ERCC6L2: variants seen among roughly 807,000 people sequenced by gnomAD.
ERCC6L2 encodes ERCC excision repair 6 like 2, also known as DNA excision repair protein ERCC-6-like 2.
Under a neutral mutation model 132.0 loss-of-function variants are expected in ERCC6L2, and 77 were observed. That is an observed-to-expected ratio of 0.58 (90% CI 0.49 to 0.71). The LOEUF is 0.71. Ranked by LOEUF, ERCC6L2 falls within the 30% of genes least tolerant of loss-of-function variation. ERCC6L2 has a pLI of 0.00. For synonymous variants in ERCC6L2, 583 were observed against 632.4 expected, an observed-to-expected ratio of 0.92 and a Z score of 1.17; for missense variants, 1,542 against 1,837.6, an observed-to-expected ratio of 0.84 and a Z score of 2.94.
intron 19 of ERCC6L2, among the ~76,000 whole-genome samples, chr9:96,024,957 C>A (rs1269465085): frequency 6.6e-6 from 1 of 152,186 alleles, no homozygotes; most frequent in Non-Finnish European, 1.5e-5. Flanking sequence ...ACTGTATTCA[C>A]TCAGTAACCA....
chr9:96,028,470 ACT>A (rs1834411616), intron 19 of ERCC6L2, among the ~76,000 whole-genome samples: 1 of 152,072 alleles, frequency 6.6e-6, no homozygotes, highest in Non-Finnish European at 1.5e-5. Flanking sequence ...TCCATGGCAC[ACT>A]CTAAAATTCC....
intron 13 of ERCC6L2, among the ~76,000 whole-genome samples, chr9:95,958,794 A>T (rs1234213072): frequency 6.6e-6 from 1 of 152,188 alleles, no homozygotes; most frequent in African/African-American, 2.4e-5. Flanking sequence ...CAAAGAGAAT[A>T]AAATACCTAG....
In ERCC6L2 at chr9:95,875,977, G is replaced by A. The variant is rs1421881952; in HGVS notation, c.-62G>A. On this transcript the variant is annotated 5_prime_UTR_variant, in exon 1 of 19. Coordinates refer to ENST00000653738, the MANE Select transcript of ERCC6L2 (RefSeq NM_020207.7). Reference sequence around the variant, plus strand: ...CATTGGCCTGCCGGCCAGCCACCTTGCTGTCCTCCGCCGCCTTCCGGGTGT... The same window carrying A: ...CATTGGCCTGCCGGCCAGCCACCTTACTGTCCTCCGCCGCCTTCCGGGTGT... The A allele has an allele frequency of 2.6e-6, 4 of 1,540,730 alleles. No individual in the cohort carries two copies. Among genetic ancestry groups the A allele is most frequent in the African/African-American group, 1.4e-5 (1 of 73,002 alleles).
At chr9:96,036,543 T>G (rs1423920010) in intron 19 of ERCC6L2, among the ~76,000 whole-genome samples, 1 of 152,170 alleles carries the variant, frequency 6.6e-6, no homozygotes, top group Non-Finnish European at 1.5e-5. Context: ...AGAACTGGAA[T>G]TGCTGGATCA....
intron 17 of ERCC6L2, among the ~76,000 whole-genome samples, chr9:95,998,536 C>T (rs180929318): frequency 1.6e-4 from 24 of 152,258 alleles, no homozygotes; most frequent in East Asian, 5.8e-4. Flanking sequence ...AAAAGCAGAG[C>T]GCCTTTCCTG....
Position 96,013,563 on chromosome 9 carries a change from G to A in ERCC6L2, c.*360G>A, listed in dbSNP as rs977679158. The A allele has an allele frequency of 1.2e-5, 2 of 164,558 alleles. No homozygotes were observed. Among genetic ancestry groups the A allele is most frequent in the Admixed American group, 1.2e-4 (2 of 17,226 alleles). 10.2% of individuals were successfully genotyped at this position (164,558 alleles called of 1,614,324 possible). ...AAGATGAAGAGTCTGTACCGAATCA[G>A]CATGAGTGTCCTTCCAGTTTAAAAA... On this transcript the variant is annotated 3_prime_UTR_variant, in exon 19 of 19. Transcript: ENST00000653738.
chr9:96,030,778 G>A (rs1834447904), intron 19 of ERCC6L2, among the ~76,000 whole-genome samples: 1 of 151,564 alleles, frequency 6.6e-6, no homozygotes, highest in Non-Finnish European at 1.5e-5. Flanking sequence ...CCCACCGGAA[G>A]GAACAAACTC....
intron 11 of ERCC6L2, among the ~76,000 whole-genome samples, chr9:95,936,648 A>G (rs1039701235): frequency 6.6e-6 from 1 of 152,184 alleles, no homozygotes; most frequent in Admixed American, 6.5e-5. Context: ...AGTTCCCCCA[A>G]TGTAATATCT....
chr9:96,034,018 TC>T (rs1220671855), intron 19 of ERCC6L2, among the ~76,000 whole-genome samples: 6 of 152,234 alleles, frequency 3.9e-5, no homozygotes, highest in Non-Finnish European at 5.9e-5. Flanking sequence ...GGCTGCCAGC[TC>T]TGAGCCCCGC....
At chr9:96,010,073 T>G (rs1345969343) in intron 18 of ERCC6L2, among the ~76,000 whole-genome samples, 1 of 152,250 alleles carries the variant, frequency 6.6e-6, no homozygotes, top group Non-Finnish European at 1.5e-5. Flanking sequence ...AATATCTCAT[T>G]ACTTCATGTG....
Position 96,004,567 on chromosome 9 carries a change from A to C in ERCC6L2, c.3540A>C (p.Lys1180Asn). 1 of 1,310,218 alleles carries C rather than the reference A, an allele frequency of 7.6e-7. No homozygotes were observed. The highest frequency in any genetic ancestry group is 1.0e-6 in the Non-Finnish European group (1 of 991,218). 81.2% of individuals were successfully genotyped at this position (1,310,218 alleles called of 1,614,324 possible). The change falls in exon 18 of 19, where the codon AAA becomes AAC. Residue 1180 changes from lysine to asparagine, a missense_variant. Physicochemically the swap from Lys to Asn is moderately conservative, Grantham distance 94. This residue lies in a region of ERCC6L2 where 442 missense variants were observed against 583.4 expected (regional missense o/e 0.76). Transcript: ENST00000653738. ...VDADTLPHTK[K>N]GQQPSEGSIS... Reference sequence around the variant, plus strand: ...CAGATACATTGCCACACACAAAGAAAGGCCAGCAACCGAGTGAAGGCAGCA... The same window carrying C: ...CAGATACATTGCCACACACAAAGAACGGCCAGCAACCGAGTGAAGGCAGCA...
At chr9:95,985,401 A>G (rs1353674591) in intron 17 of ERCC6L2, among the ~76,000 whole-genome samples, 1 of 152,052 alleles carries the variant, frequency 6.6e-6, no homozygotes, top group African/African-American at 2.4e-5. Context: ...AGTCTCCTCA[A>G]CTCTTTGCAC....
At chr9:95,990,335 A>G (rs1444921938) in intron 17 of ERCC6L2, among the ~76,000 whole-genome samples, 4 of 152,224 alleles carry the variant, frequency 2.6e-5, no homozygotes, top group Non-Finnish European at 2.9e-5. Flanking sequence ...GAAGGTATCA[A>G]GTATGTGTTG....
chr9:95,887,627 T>C (rs1280826107), intron 2 of ERCC6L2, among the ~76,000 whole-genome samples: 1 of 152,202 alleles, frequency 6.6e-6, no homozygotes, highest in Non-Finnish European at 1.5e-5. Flanking sequence ...ATTACATTAT[T>C]GAAAATGTCA....
chr9:95,893,841 C>A (rs1828296437), intron 2 of ERCC6L2, among the ~76,000 whole-genome samples: 1 of 152,056 alleles, frequency 6.6e-6, no homozygotes, highest in East Asian at 1.9e-4. Flanking sequence ...CATTGTTGAT[C>A]ATTTTCATTG....
At chr9:96,025,305 G>A (rs1490802734) in intron 19 of ERCC6L2, among the ~76,000 whole-genome samples, 1 of 152,208 alleles carries the variant, frequency 6.6e-6, no homozygotes, top group African/African-American at 2.4e-5. Flanking sequence ...CATCATGGGA[G>A]TGCAGTAGCA....
chr9:95,955,859 T>C, intron 12 of ERCC6L2, 55 bp from the exon 13 acceptor site: 1 of 1,063,628 alleles, frequency 9.4e-7, no homozygotes, highest in Non-Finnish European at 1.4e-6. Flanking sequence ...AAGTTACCTC[T>C]TCAACCCAAA....
chr9:95,946,689 T>C (rs972383726), intron 12 of ERCC6L2, among the ~76,000 whole-genome samples: 3 of 152,248 alleles, frequency 2.0e-5, no homozygotes, highest in African/African-American at 2.4e-5. Flanking sequence ...TTGCCTTGTT[T>C]ACAAATTGAA....
At chr9:96,030,764 C>T (rs1362243669) in intron 19 of ERCC6L2, among the ~76,000 whole-genome samples, 2 of 151,696 alleles carry the variant, frequency 1.3e-5, no homozygotes, top group Non-Finnish European at 2.9e-5. Flanking sequence ...AGCGACGCCA[C>T]GAACCCACCG....
Sources: gnomAD v4.1 joint callset for allele counts (sites outside exome capture counted in the v4.1 genomes callset) on GRCh38, gnomAD v4.1.1 for gene constraint, gnomAD v4.1.1 regional missense constraint, MANE v1.5 for transcripts, NCBI Gene and HGNC (gene_info 2026-07-23, HGNC 2026-07-21) for gene names.